DNHD1: variants seen among roughly 807,000 people sequenced by gnomAD.
DNHD1 encodes the protein dynein heavy chain domain 1, also known as dynein heavy chain domain-containing protein 1.
Under a neutral mutation model 458.1 loss-of-function variants are expected in DNHD1, and 383 were observed. The ratio of observed to expected loss-of-function variants is 0.84; its 90% CI spans 0.77 to 0.91. The LOEUF (loss-of-function observed/expected upper bound fraction) is 0.91. Ranked by LOEUF, DNHD1 falls within the 40% of genes least tolerant of loss-of-function variation. The probability of loss-of-function intolerance (pLI) is 0.00; values close to 1 mark genes in which losing one functional copy is unlikely to be tolerated. For missense variants in DNHD1, 5,336 were observed against 5,866.1 expected, an observed-to-expected ratio of 0.91 and a Z score of 2.95; for synonymous variants, 2,203 against 2,376.9, an observed-to-expected ratio of 0.93 and a Z score of 2.13.
Position 6,562,871 on chromosome 11 carries a change from G to A in DNHD1, c.9520-111G>A. 3.2e-6 allele frequency: 4 copies of A among 1,263,566 alleles called. No individual in the cohort carries two copies. The South Asian group carries it at 6.3e-5, about 20-fold the overall frequency. The allele number at this position is 1,263,566 out of a possible 1,614,324, so 78.3% of individuals were successfully genotyped here. A position where few individuals can be genotyped will look rare whatever the true frequency, so the allele number is the denominator to read the frequency against. On this transcript the variant is annotated intron_variant, in intron 28 of 42. Transcript: ENST00000254579. ...CTGTGGCCTACTTGGAGTTCAACGT[G>A]GTCAGTCTTTCAAGTGAGGAGTGTG... is the stretch of plus-strand genomic sequence containing the variant.
At chr11:6,566,031 TTGCCCCATTC>T in intron 33 of DNHD1, 40 bp downstream of exon 33, 1 of 1,407,986 alleles carries the variant, frequency 7.1e-7, no homozygotes, top group Non-Finnish European at 9.6e-7. Context: ...CCTTTTTGAC[TTGCCCCATTC>T]TGTGACCCCA....
At chr11:6,532,294 A>C (rs1046846402) in intron 12 of DNHD1, among the ~76,000 whole-genome samples, 2 of 152,200 alleles carry the variant, frequency 1.3e-5, no homozygotes, top group Non-Finnish European at 2.9e-5. Context: ...GGTGCTTCTT[A>C]CAACGGGATC....
At chr11:6,560,075 A>G (rs560460723) in intron 28 of DNHD1, among the ~76,000 whole-genome samples, 1 of 152,356 alleles carries the variant, frequency 6.6e-6, no homozygotes, top group African/African-American at 2.4e-5. Flanking sequence ...CTCCTAGTTA[A>G]AGGTGTCTTC....
chr11:6,519,927 T>A, intron 8 of DNHD1, 38 bp from the exon 9 acceptor site: 1 of 1,613,606 alleles, frequency 6.2e-7, no homozygotes, highest in Non-Finnish European at 8.5e-7. Context: ...TATACTGACA[T>A]CTAGCCCCTC....
intron 10 of DNHD1, among the ~76,000 whole-genome samples, chr11:6,524,044 T>C (rs778914030): frequency 2.0e-5 from 3 of 152,246 alleles, no homozygotes; most frequent in Non-Finnish European, 4.4e-5. Context: ...ACCTTGGCTA[T>C]GAAGTTAGTG....
In DNHD1 at chr11:6,533,769, G is replaced by A. The variant is rs1852881459; in HGVS notation, c.2594G>A (p.Ser865Asn). The A allele has an allele frequency of 1.3e-6, 2 of 1,551,544 alleles. No individual in the cohort carries two copies. The highest frequency in any genetic ancestry group is 2.4e-5 in the East Asian group (1 of 40,886). Residue 865 changes from serine (S) to asparagine (N), a missense_variant, in exon 14 of 43, where the codon AGC becomes AAC. Around this residue, in one of 4 missense-constraint regions of DNHD1, gnomAD observed 3,932 missense variants for 4,365.6 expected, o/e 0.90. Coordinates refer to ENST00000254579, the MANE Select transcript of DNHD1 (RefSeq NM_144666.3). ...ALHELIRNHF[S>N]LFSAENEALD... is the part of the protein sequence containing the mutation. ...CACGAACTCATCCGCAACCACTTTA[G>A]CCTCTTTAGTGCTGAGAATGAAGCA...
chr11:6,553,792 AT>A (rs1308009790), intron 24 of DNHD1, among the ~76,000 whole-genome samples: 2 of 152,210 alleles, frequency 1.3e-5, no homozygotes, highest in Non-Finnish European at 2.9e-5. Flanking sequence ...AATTAAAAGC[AT>A]TCAAGATCTG....
chr11:6,501,070 T>G (rs1852124186), intron 3 of DNHD1, among the ~76,000 whole-genome samples: 1 of 152,064 alleles, frequency 6.6e-6, no homozygotes, highest in South Asian at 2.1e-4. Context: ...GAGCAGTCAG[T>G]AGTATTACAT....
At chr11:6,539,610 C>G (rs989837825) in intron 17 of DNHD1, among the ~76,000 whole-genome samples, 1 of 152,176 alleles carries the variant, frequency 6.6e-6, no homozygotes, top group Non-Finnish European at 1.5e-5. Flanking sequence ...CCAGAGGGTG[C>G]GAGCTGACTG....
chr11:6,567,828 G>A lies in DNHD1; in HGVS notation c.12319G>A (p.Val4107Ile), dbSNP rs1853743253. Reference sequence around the variant, plus strand: ...CTCAGCCACTCTGCATCCTCTGACTGTCATCCAGAAACTGGCTGCCAAGTA... The same window carrying A: ...CTCAGCCACTCTGCATCCTCTGACTATCATCCAGAAACTGGCTGCCAAGTA... ...HPSATLHPLT[V>I]IQKLAAKYQQ... The change falls in exon 36 of 43, where the codon GTC (valine) becomes ATC (isoleucine). Residue 4107 changes from valine (V) to isoleucine (I), a missense_variant. By Grantham distance (29) the Val-to-Ile change is conservative. This residue lies in a region of DNHD1 where 695 missense variants were observed against 804.2 expected (regional missense o/e 0.86). Transcript: ENST00000254579. 2 of 1,612,804 alleles carry A rather than the reference G, an allele frequency of 1.2e-6. No individual in the cohort carries two copies. The highest frequency in any genetic ancestry group is 2.2e-5 in the East Asian group (1 of 44,882).
intron 10 of DNHD1, 80 bp from the exon 11 acceptor site, chr11:6,528,441 AC>A: frequency 7.1e-7 from 1 of 1,410,012 alleles, no homozygotes; most frequent in South Asian, 1.4e-5. Flanking sequence ...GTGTGTACAC[AC>A]ACTGAGGGCA....
chr11:6,535,468 GCAGGGTAGGTAC>G (rs1297665350), intron 14 of DNHD1, among the ~76,000 whole-genome samples: 3 of 152,190 alleles, frequency 2.0e-5, no homozygotes, highest in Admixed American at 2.0e-4. Flanking sequence ...CAGGGCTGTG[GCAGGGTAGGTAC>G]AAGATGAACC....
intron 24 of DNHD1, 94 bp from the exon 25 acceptor site, chr11:6,556,589 C>T: frequency 2.3e-6 from 3 of 1,285,238 alleles, no homozygotes; most frequent in Non-Finnish European, 3.1e-6. Context: ...CACAAAATTC[C>T]TTTAGAACCG....
intron 4 of DNHD1, among the ~76,000 whole-genome samples, chr11:6,506,027 TAAG>T (rs1442515166): frequency 6.6e-6 from 1 of 152,122 alleles, no homozygotes; most frequent in African/African-American, 2.4e-5. Context: ...CATAAAGAGA[TAAG>T]AAACTATTGA....
chr11:6,549,657 T>C (rs915020387), intron 24 of DNHD1, among the ~76,000 whole-genome samples: 6 of 152,252 alleles, frequency 3.9e-5, no homozygotes, highest in African/African-American at 1.4e-4. Context: ...CGGTTAGATA[T>C]CCATCCTGTG....
In DNHD1 at chr11:6,571,851, G is replaced by A; in HGVS notation, c.14127G>A (p.Val4709=). The A allele has an allele frequency of 6.2e-7, 1 of 1,614,046 alleles. No homozygotes were observed. Among genetic ancestry groups the A allele is most frequent in the Non-Finnish European group, 8.5e-7 (1 of 1,179,912 alleles). The change falls in exon 43 of 43, where the codon GTG becomes GTA. Residue 4709 remains valine, a synonymous_variant. Coordinates refer to ENST00000254579, the MANE Select transcript of DNHD1 (RefSeq NM_144666.3). This position sits in a 1 kb window ranked among gnomAD's most constrained non-coding sequence, Gnocchi z 5.0. ...PADLTVYSCP[V]YMGGPLGTAK... ...ACCTGACTGTGTACTCGTGTCCTGT[G>A]TACATGGGAGGGCCCCTTGGCACCG... is the stretch of plus-strand genomic sequence containing the variant.
Position 6,567,569 on chromosome 11 carries a change from A to T in DNHD1, c.12060A>T (p.Ser4020=), listed in dbSNP as rs780642622. 1 of 1,612,972 alleles carries T rather than the reference A, an allele frequency of 6.2e-7. No individual in the cohort carries two copies. The highest frequency in any genetic ancestry group is 8.5e-7 in the Non-Finnish European group (1 of 1,179,540). The stretch of plus-strand genomic sequence containing the variant: ...CTTGGCAGGCTTACCTGTCACTGTC[A>T]TCCACAGTGCTGGGTCCTGCACCTG... ...SSAWQAYLSL[S]STVLGPAPGP... Residue 4020 remains serine, a synonymous_variant, in exon 36 of 43, where the codon TCA becomes TCT. Transcript: ENST00000254579.
rs778777036 is a variant in DNHD1 at position 6,544,268 on chromosome 11, G to A, written c.3754+22G>A. 30 of 1,551,252 alleles carry A rather than the reference G, an allele frequency of 1.9e-5. 1 individual carries two copies. The highest frequency in any genetic ancestry group is 1.2e-4 in the Admixed American group (6 of 50,984). Reference sequence around the variant, plus strand: ...CTGGGTAAGTGCAGGCCTCTAGCCAGGCTGATGGGTGAGACCTGAGGCAGG... The same window carrying A: ...CTGGGTAAGTGCAGGCCTCTAGCCAAGCTGATGGGTGAGACCTGAGGCAGG... On this transcript the variant is annotated intron_variant, in intron 19 of 42. Transcript: ENST00000254579.
Position 6,546,278 on chromosome 11 carries a change from C to G in DNHD1, c.5339C>G (p.Thr1780Ser). ...ASRNTSTIDP[T>S]QPQLLGSSFF... ...CGAAACACAAGCACCATAGACCCCA[C>G]CCAGCCCCAGCTCCTTGGCAGTAGC... The change falls in exon 21 of 43, where the codon ACC (threonine) becomes AGC (serine). Residue 1780 changes from threonine to serine, a missense_variant. By Grantham distance (58) the Thr-to-Ser change is moderately conservative (BLOSUM62 1). Coordinates refer to ENST00000254579, the MANE Select transcript of DNHD1 (RefSeq NM_144666.3). 1 of 1,552,408 alleles carries G rather than the reference C, an allele frequency of 6.4e-7. No individual in the cohort carries two copies. Among genetic ancestry groups the G allele is most frequent in the Non-Finnish European group, 8.7e-7 (1 of 1,147,148 alleles).
Sources: allele counts gnomAD v4.1 joint callset (sites outside exome capture counted in the v4.1 genomes callset), GRCh38; gene constraint gnomAD v4.1.1; regional missense constraint gnomAD v4.1.1; non-coding constraint Gnocchi (gnomAD v3.1); transcripts MANE v1.5; gene names NCBI Gene and HGNC (gene_info 2026-07-23, HGNC 2026-07-21).